Variants in LRP1B observed in about 807,000 individuals in gnomAD.
The protein encoded by LRP1B is LDL receptor related protein 1B, also known as low-density lipoprotein receptor-related protein 1B.
A neutral mutation model predicts 556.6 loss-of-function variants in LRP1B; 217 were observed. That is an observed-to-expected ratio of 0.39 (90% CI 0.35 to 0.44). The LOEUF is 0.44. Ranked by LOEUF, LRP1B falls within the 20% of genes least tolerant of loss-of-function variation. The pLI is 1.00. For synonymous variants in LRP1B, 2,047 were observed against 1,865.8 expected (o/e 1.10, Z -2.50); for missense variants, 5,053 against 5,620.8 (o/e 0.90, Z 3.23).
At chr2:142,112,937 C>T (rs1707055793) in intron 1 of LRP1B, among the ~76,000 whole-genome samples, 1 of 152,106 alleles carries the variant, frequency 6.6e-6, no homozygotes, top group Admixed American at 6.6e-5. Context: ...TTTGTAATTC[C>T]ATTCTCTTAT....
intron 2 of LRP1B, among the ~76,000 whole-genome samples, chr2:141,581,224 A>G (rs1440238901): frequency 1.3e-5 from 2 of 152,138 alleles, no homozygotes; most frequent in South Asian, 2.1e-4. Flanking sequence ...GCTCCCGATA[A>G]TGGAAAAGAT....
chr2:141,954,919 G>A (rs1701206425), intron 1 of LRP1B, among the ~76,000 whole-genome samples: 1 of 151,844 alleles, frequency 6.6e-6, no homozygotes, highest in African/African-American at 2.4e-5. Flanking sequence ...CTTATGGGAT[G>A]TGTCAGACAT....
intron 35 of LRP1B, among the ~76,000 whole-genome samples, chr2:140,735,313 T>C (rs985566600): frequency 6.6e-6 from 1 of 152,194 alleles, no homozygotes; most frequent in African/African-American, 2.4e-5. Context: ...GGATGATTAC[T>C]GCTACATTGT....
intron 35 of LRP1B, among the ~76,000 whole-genome samples, chr2:140,730,852 C>A (rs1298682865): frequency 2.0e-5 from 3 of 152,104 alleles, no homozygotes; most frequent in Non-Finnish European, 2.9e-5. Flanking sequence ...CCGCCACGCC[C>A]AGCCTCGATT....
rs562838221 is a variant in LRP1B at position 141,796,197 on chromosome 2, T to G, written c.205+14082A>C. ...CAAATGCCAAACTTACTATATACTT[T>G]TATTTCTATTTATCAATGAAAGAAA... On this transcript the variant is annotated intron_variant, in intron 2 of 90. Coordinates refer to ENST00000389484, the MANE Select transcript of LRP1B (RefSeq NM_018557.3). Among the ~76,000 whole-genome samples the G allele has an allele frequency of 5.5e-4, 84 of 152,124 alleles. No homozygotes were observed. The Middle Eastern group carries it at 0.017, about 31-fold the overall frequency.
At chr2:141,473,231 A>T (rs1682546936) in intron 3 of LRP1B, among the ~76,000 whole-genome samples, 1 of 152,222 alleles carries the variant, frequency 6.6e-6, no homozygotes, top group Non-Finnish European at 1.5e-5. Context: ...ATGAACATAC[A>T]TACATACATA....
At chr2:140,625,085 C>T (rs1277421677) in intron 41 of LRP1B, among the ~76,000 whole-genome samples, 1 of 152,132 alleles carries the variant, frequency 6.6e-6, no homozygotes, top group East Asian at 1.9e-4. Context: ...AGGTGAGAAG[C>T]TCATTGGAGG....
At chr2:141,961,779 T>C (rs1466666444) in intron 1 of LRP1B, among the ~76,000 whole-genome samples, 1 of 151,668 alleles carries the variant, frequency 6.6e-6, no homozygotes, top group African/African-American at 2.4e-5. Flanking sequence ...CTTTAAAAAA[T>C]TTAGATCTCT....
intron 2 of LRP1B, among the ~76,000 whole-genome samples, chr2:141,698,382 C>T (rs960642275): frequency 2.6e-5 from 4 of 151,412 alleles, no homozygotes; most frequent in African/African-American, 9.7e-5. Context: ...GCAGGTTGGC[C>T]TAATGGACCC....
intron 53 of LRP1B, among the ~76,000 whole-genome samples, chr2:140,505,625 T>C (rs573209450): frequency 6.6e-6 from 1 of 152,242 alleles, no homozygotes; most frequent in Non-Finnish European, 1.5e-5. Context: ...CAATCAGATA[T>C]AACTCTGCTT....
chr2:140,454,308 C>T (rs1184288520), intron 62 of LRP1B, among the ~76,000 whole-genome samples: 1 of 152,002 alleles, frequency 6.6e-6, no homozygotes, highest in African/African-American at 2.4e-5. Flanking sequence ...GCCACCATGC[C>T]CAGCTAATTT....
At chr2:141,151,899 T>G (rs1324682436) in intron 7 of LRP1B, among the ~76,000 whole-genome samples, 1 of 152,044 alleles carries the variant, frequency 6.6e-6, no homozygotes, top group African/African-American at 2.4e-5. Context: ...TTGTGGAAGT[T>G]TATAACTATG....
chr2:141,197,447 A>G (rs1334061578), intron 6 of LRP1B, among the ~76,000 whole-genome samples: 1 of 152,070 alleles, frequency 6.6e-6, no homozygotes, highest in Non-Finnish European at 1.5e-5. Flanking sequence ...GTCTCACATA[A>G]TTTGTCTCTT....
chr2:140,883,951 T>C lies in LRP1B; in HGVS notation c.4035A>G (p.Ile1345Met). ...ATPEGLTVDW[I>M]AGNIYWIDSN... ...TGTCTATCCAGTATATGTTTCCTGC[T>C]ATCCAGTCGACTGTCAGGCCTTCTG... Residue 1345 changes from isoleucine to methionine, a missense_variant, in exon 25 of 91, where the codon ATA becomes ATG. By Grantham distance (10) the Ile-to-Met change is conservative. This residue lies in a region of LRP1B where 3,619 missense variants were observed against 3,931.9 expected (regional missense o/e 0.92). Transcript: ENST00000389484. 1 of 1,613,658 alleles carries C rather than the reference T, an allele frequency of 6.2e-7. No individual in the cohort carries two copies. Among genetic ancestry groups the C allele is most frequent in the Non-Finnish European group, 8.5e-7 (1 of 1,179,946 alleles).
chr2:140,686,681 T>C (rs1387282213), intron 41 of LRP1B, among the ~76,000 whole-genome samples: 2 of 151,918 alleles, frequency 1.3e-5, no homozygotes, highest in Non-Finnish European at 2.9e-5. Flanking sequence ...CACTGGTCCA[T>C]TTGTGATGAG....
chr2:140,408,317 A>G (rs1342367653), intron 66 of LRP1B, among the ~76,000 whole-genome samples: 1 of 151,944 alleles, frequency 6.6e-6, no homozygotes, highest in Non-Finnish European at 1.5e-5. Context: ...TACTATCCAA[A>G]AAGCTATTGA....
chr2:141,744,207 AG>A (rs748783051), intron 2 of LRP1B, among the ~76,000 whole-genome samples: 1 of 152,006 alleles, frequency 6.6e-6, no homozygotes, highest in East Asian at 1.9e-4. Context: ...ATTTGTTTCA[AG>A]AAATTTTTCA....
intron 31 of LRP1B, among the ~76,000 whole-genome samples, chr2:140,824,118 A>AT (rs969878480): frequency 2.5e-4 from 17 of 68,934 alleles, no homozygotes; most frequent in Admixed American, 2.3e-3. Flanking sequence ...AGCAAAAGGA[A>AT]TTTAAAAAAA....
chr2:140,552,182 T>C (rs991582300), intron 43 of LRP1B, among the ~76,000 whole-genome samples: 1 of 152,156 alleles, frequency 6.6e-6, no homozygotes, highest in African/African-American at 2.4e-5. Context: ...GGGAAGATAG[T>C]CATTTCTTTG....
Sources: gnomAD v4.1 joint callset for allele counts (sites outside exome capture counted in the v4.1 genomes callset) on GRCh38, gnomAD v4.1.1 for gene constraint, gnomAD v4.1.1 regional missense constraint, MANE v1.5 for transcripts, NCBI Gene and HGNC (gene_info 2026-07-23, HGNC 2026-07-21) for gene names.